PCDHGA7: variants seen among roughly 807,000 people sequenced by gnomAD.
PCDHGA7 encodes protocadherin gamma-A7.
In PCDHGA7, 44 loss-of-function variants were observed where a neutral mutation model predicts 58.3. That is an observed-to-expected ratio of 0.75 (90% CI 0.59 to 0.97). The LOEUF is 0.97. Ranked by LOEUF, PCDHGA7 falls within the 50% of genes least tolerant of loss-of-function variation. PCDHGA7 has a pLI of 0.00. For missense variants in PCDHGA7, 1,266 were observed against 1,188.7 expected, an observed-to-expected ratio of 1.06 and a Z score of -0.96; for synonymous variants, 516 against 504.2, an observed-to-expected ratio of 1.02 and a Z score of -0.31.
intron 3 of PCDHGA7, among the ~76,000 whole-genome samples, chr5:141,506,866 T>C (rs1182560001): frequency 2.6e-5 from 4 of 152,104 alleles, no homozygotes; most frequent in Admixed American, 2.6e-4. Context: ...GACTGGTGGG[T>C]AGAGAACCAG....
chr5:141,494,468 C>G (rs2099754577), intron 1 of PCDHGA7, among the ~76,000 whole-genome samples: 1 of 152,136 alleles, frequency 6.6e-6, no homozygotes, highest in East Asian at 1.9e-4. Context: ...TGCACCTCTT[C>G]CCCCAGTTCC....
intron 1 of PCDHGA7, chr5:141,404,067 A>G (rs540954192): frequency 3.7e-6 from 6 of 1,613,894 alleles, no homozygotes; most frequent in South Asian, 2.2e-5. Context: ...TTCAATGCTC[A>G]TGACCGAGAC....
chr5:141,460,270 C>G (rs1223096441), intron 1 of PCDHGA7, among the ~76,000 whole-genome samples: 1 of 151,828 alleles, frequency 6.6e-6, no homozygotes, highest in Non-Finnish European at 1.5e-5. Context: ...TTTATTTTTT[C>G]TTTTATAGTT....
chr5:141,476,062 A>G lies in PCDHGA7; in HGVS notation c.2425-18745A>G, dbSNP rs2099384587. On this transcript the variant is annotated intron_variant, in intron 1 of 3. Coordinates refer to ENST00000518325, the MANE Select transcript of PCDHGA7 (RefSeq NM_018920.4). This position sits in a 1 kb window ranked among gnomAD's most constrained non-coding sequence, Gnocchi z 7.6. ...AGCGCTAACCCGCTGAAAGTTTCTC[A>G]GCGAAATCTCAGGGACGATCTGGAC... The G allele has an allele frequency of 1.8e-5, 27 of 1,509,766 alleles. No individual in the cohort carries two copies. Among genetic ancestry groups the G allele is most frequent in the Non-Finnish European group, 2.3e-5 (26 of 1,136,920 alleles). The allele number at this position is 1,509,766 out of a possible 1,614,324, so 93.5% of individuals were successfully genotyped here.
At chr5:141,426,153 T>C (rs928934950) in intron 1 of PCDHGA7, 12 of 154,130 alleles carry the variant, frequency 7.8e-5, no homozygotes, top group African/African-American at 2.6e-4. Flanking sequence ...CTCCTGCAAA[T>C]CTGATTCCAT....
intron 1 of PCDHGA7, chr5:141,412,990 C>T: frequency 1.8e-6 from 1 of 569,958 alleles, no homozygotes. Flanking sequence ...AGAGCTCAAT[C>T]CGGATTCTCA....
rs768506502 is a variant in PCDHGA7, at chr5:141,384,783, G to C, written c.1884G>C (p.Thr628=). ...AVGLYTGEVR[T]ARALLDRDAL... is the part of the protein sequence containing the mutation. ...GGCTGTACACGGGCGAGGTGCGCAC[G>C]GCTCGGGCCCTGCTGGACAGAGATG... The change falls in exon 1 of 4, where the codon ACG becomes ACC. Residue 628 remains threonine, a synonymous_variant. Transcript: ENST00000518325. 22 of 1,613,560 alleles carry C rather than the reference G, an allele frequency of 1.4e-5. No homozygotes were observed. Among genetic ancestry groups the C allele is most frequent in the East Asian group, 2.2e-5 (1 of 44,882 alleles).
At chr5:141,419,184 T>A in intron 1 of PCDHGA7, 1 of 1,613,938 alleles carries the variant, frequency 6.2e-7, no homozygotes, top group Non-Finnish European at 8.5e-7. Context: ...ACCCTGCACA[T>A]TACTGACGTC....
chr5:141,494,688 A>T (rs2099756168), intron 1 of PCDHGA7, 119 bp from the exon 2 acceptor site: 1 of 1,576,254 alleles, frequency 6.3e-7, no homozygotes, highest in Non-Finnish European at 8.6e-7. Context: ...GCCCCCTCTT[A>T]GTCCGTTTTC....
At chr5:141,415,208 A>C in intron 1 of PCDHGA7, 3 of 1,614,024 alleles carry the variant, frequency 1.9e-6, no homozygotes, top group Non-Finnish European at 2.5e-6. Context: ...GTCCTGGCGG[A>C]CCTCGGCAGC....
intron 1 of PCDHGA7, chr5:141,392,819 C>T (rs1346235587): frequency 1.4e-5 from 22 of 1,590,378 alleles, no homozygotes; most frequent in Non-Finnish European, 8.6e-6. Flanking sequence ...CAACAATGGC[C>T]GCTCCACAGA....
At chr5:141,502,082 G>A (rs538827992) in intron 2 of PCDHGA7, among the ~76,000 whole-genome samples, 1 of 152,252 alleles carries the variant, frequency 6.6e-6, no homozygotes, top group Non-Finnish European at 1.5e-5. Flanking sequence ...ACCTGGGGCT[G>A]AGAACACCTG....
chr5:141,438,599 T>C (rs1320902737), intron 1 of PCDHGA7, among the ~76,000 whole-genome samples: 17 of 32,510 alleles, frequency 5.2e-4, no homozygotes, highest in African/African-American at 6.7e-4. Flanking sequence ...TACATATATA[T>C]ATATATATAT....
At position 141,511,420 on chromosome 5, in the gene PCDHGA7, G is replaced by A; in HGVS notation, c.*247G>A. On this transcript the variant is annotated 3_prime_UTR_variant, in exon 4 of 4. Coordinates refer to ENST00000518325, the MANE Select transcript of PCDHGA7 (RefSeq NM_018920.4). ...TCCAATCAACTGCTGTACCCATGGG[G>A]GTAGTGGGGTTACTGTAGACACCAA... 2.4e-6 allele frequency: 2 copies of A among 830,862 alleles called. No individual in the cohort carries two copies. Among genetic ancestry groups the A allele is most frequent in the Non-Finnish European group, 1.8e-6 (1 of 557,336 alleles). The allele number at this position is 830,862 out of a possible 1,614,324, so 51.5% of individuals were successfully genotyped here.
chr5:141,403,969 T>G (rs1437416293), intron 1 of PCDHGA7: 1 of 1,613,690 alleles, frequency 6.2e-7, no homozygotes, highest in African/African-American at 1.3e-5. Context: ...CGGTGGAAGA[T>G]GTAAATGACA....
intron 1 of PCDHGA7, chr5:141,422,942 G>C (rs199976232): frequency 6.2e-7 from 1 of 1,614,214 alleles, no homozygotes; most frequent in East Asian, 2.2e-5. Flanking sequence ...CCCACAGACG[G>C]CTCCACTGGC....
At chr5:141,407,875 A>G (rs957717882) in intron 1 of PCDHGA7, 8 of 361,396 alleles carry the variant, frequency 2.2e-5, no homozygotes, top group African/African-American at 8.4e-5. Context: ...AAGAATATAT[A>G]CATTTCGGAG....
intron 1 of PCDHGA7, among the ~76,000 whole-genome samples, chr5:141,459,098 A>G (rs993134478): frequency 2.0e-5 from 3 of 152,206 alleles, no homozygotes; most frequent in African/African-American, 7.2e-5. Flanking sequence ...ATACAGTGCA[A>G]TGCATTTTGA....
intron 1 of PCDHGA7, among the ~76,000 whole-genome samples, chr5:141,452,835 C>A (rs2098750110): frequency 6.6e-6 from 1 of 152,154 alleles, no homozygotes; most frequent in Admixed American, 6.5e-5. Flanking sequence ...TCACTTGGTC[C>A]AGCCCACACT....
Sources: gnomAD v4.1 joint callset for allele counts (sites outside exome capture counted in the v4.1 genomes callset) on GRCh38, gnomAD v4.1.1 for gene constraint, Gnocchi (gnomAD v3.1) non-coding constraint, MANE v1.5 for transcripts, NCBI Gene and HGNC (gene_info 2026-07-23, HGNC 2026-07-21) for gene names.